Variants in LETM2 observed in about 807,000 individuals in gnomAD.
LETM2 encodes the protein leucine zipper and EF-hand containing transmembrane protein 2.
A neutral mutation model predicts 59.6 loss-of-function variants in LETM2; 58 were observed. The ratio of observed to expected loss-of-function variants is 0.97; its 90% confidence interval spans 0.79 to 1.21. LETM2 has a LOEUF of 1.21. Among genes scored for constraint, LETM2 ranks in the 50% most tolerant of loss-of-function variants. LETM2 has a pLI of 0.00. For missense variants in LETM2, 572 were observed against 575.7 expected, an observed-to-expected ratio of 0.99 and a Z score of 0.07; for synonymous variants, 199 against 214.1, an observed-to-expected ratio of 0.93 and a Z score of 0.62.
At chr8:38,385,184 C>T (rs1236810896), upstream of LETM2, among the ~76,000 whole-genome samples, 1 of 152,190 alleles carries the variant, frequency 6.6e-6, no homozygotes, top group East Asian at 1.9e-4. Context: ...GCCTATTTAA[C>T]AGTGGATCTA....
intron 9 of LETM2, 65 bp downstream of exon 9, chr8:38,407,103 C>T (rs573462567): frequency 1.8e-5 from 18 of 979,924 alleles, no homozygotes; most frequent in Non-Finnish European, 2.8e-5. Flanking sequence ...GGGTCATTTT[C>T]TCCTGTTTTA....
chr8:38,389,858 A>G (rs1455322303), intron 2 of LETM2, among the ~76,000 whole-genome samples: 1 of 151,652 alleles, frequency 6.6e-6, no homozygotes, highest in Non-Finnish European at 1.5e-5. Flanking sequence ...AATTAGCTGG[A>G]CGTGGTGGCA....
At chr8:38,404,234 T>G (rs536479987) in intron 7 of LETM2, 159 bp from the exon 8 acceptor site, 1 of 593,812 alleles carries the variant, frequency 1.7e-6, no homozygotes, top group South Asian at 2.0e-5. Context: ...AAGCCAGGGC[T>G]GGGCTCTTGT....
rs772863192 is a variant in LETM2, at chr8:38,408,242, C to A, written c.1444C>A (p.Gln482Lys). 1.2e-6 allele frequency: 2 copies of A among 1,613,128 alleles called. No individual in the cohort carries two copies. The highest frequency in any genetic ancestry group is 1.7e-6 in the Non-Finnish European group (2 of 1,179,652). ...TLQAKSQMTA[Q>K]NSKASSKGA ...CCAGGCCAAATCACAAATGACGGCCCAGAACAGCAAGGCTAGTTCAAAAGG... is the reference window on the plus strand; with the variant it reads ...CCAGGCCAAATCACAAATGACGGCCAAGAACAGCAAGGCTAGTTCAAAAGG... Residue 482 changes from glutamine (Q) to lysine (K), a missense_variant, in exon 11 of 11, where the codon CAG (glutamine) becomes AAG (lysine). Coordinates refer to ENST00000379957, the MANE Select transcript of LETM2 (RefSeq NM_001286819.2).
rs555718686 is a variant in LETM2, at chr8:38,406,943, C to G, written c.1219-3C>G. The G allele has an allele frequency of 1.3e-6, 2 of 1,596,734 alleles. No homozygotes were observed. Among genetic ancestry groups the G allele is most frequent in the Non-Finnish European group, 1.7e-6 (2 of 1,164,822 alleles). On this transcript the variant is annotated splice_region_variant and splice_polypyrimidine_tract_variant and intron_variant, in intron 8 of 10. Transcript: ENST00000379957. ...ATGATACATAAAATGTTTATCTCCC[C>G]AGGCTCCAAAGACTGATATTCTTGT...
At chr8:38,402,428 C>G in intron 6 of LETM2, 97 bp from the exon 7 acceptor site, 1 of 1,411,690 alleles carries the variant, frequency 7.1e-7, no homozygotes, top group East Asian at 2.3e-5. Context: ...ACAAAGCATC[C>G]AAGCCTCTGA....
intron 2 of LETM2, among the ~76,000 whole-genome samples, chr8:38,389,057 T>C (rs948631020): frequency 1.3e-5 from 2 of 152,108 alleles, no homozygotes; most frequent in Non-Finnish European, 2.9e-5. Flanking sequence ...TGAGCCACTG[T>C]GCCCAGCCAG....
upstream of LETM2, among the ~76,000 whole-genome samples, chr8:38,384,895 G>C (rs1323132550): frequency 6.6e-6 from 1 of 152,182 alleles, no homozygotes; most frequent in Non-Finnish European, 1.5e-5. Context: ...ATGTCTCCCA[G>C]GGAACTGAAA....
intron 4 of LETM2, among the ~76,000 whole-genome samples, chr8:38,396,740 TA>T (rs769813451): frequency 6.6e-6 from 1 of 151,782 alleles, no homozygotes; most frequent in Non-Finnish European, 1.5e-5. Context: ...CCCCTGTCTC[TA>T]AAAAACAAAA....
chr8:38,394,829 G>A (rs1208924779), intron 4 of LETM2, among the ~76,000 whole-genome samples: 5 of 146,708 alleles, frequency 3.4e-5, no homozygotes. Flanking sequence ...CTGGGTGACA[G>A]GGGGAGACCC....
At chr8:38,401,103 C>A (rs76690632) in intron 6 of LETM2, 50 bp downstream of exon 6, 4 of 1,411,444 alleles carry the variant, frequency 2.8e-6, no homozygotes, top group Non-Finnish European at 4.0e-6. Context: ...TTGGGACATA[C>A]CTTAGGGTGC....
chr8:38,394,845 CAAA>C (rs34403974), intron 4 of LETM2, among the ~76,000 whole-genome samples: 34 of 84,492 alleles, frequency 4.0e-4, no homozygotes, highest in African/African-American at 4.9e-4. Context: ...GACCCTGTCT[CAAA>C]AAAAAAAAAA....
intron 6 of LETM2, 50 bp from the exon 7 acceptor site, chr8:38,402,475 C>T (rs369671361): frequency 1.5e-4 from 232 of 1,599,196 alleles, no homozygotes; most frequent in Middle Eastern, 3.3e-4. Context: ...TTAGGGTTTA[C>T]GTAAAATTGG....
At chr8:38,398,088 C>T (rs1812832739) in intron 4 of LETM2, among the ~76,000 whole-genome samples, 1 of 150,262 alleles carries the variant, frequency 6.7e-6, no homozygotes. Flanking sequence ...TACCAAGAGC[C>T]AAGATCATGC....
intron 4 of LETM2, 26 bp from the exon 5 acceptor site, chr8:38,400,246 G>A (rs1003467515): frequency 6.3e-7 from 1 of 1,580,066 alleles, no homozygotes; most frequent in Non-Finnish European, 8.6e-7. Context: ...GAAGGATTGA[G>A]TAACTTTTAT....
At chr8:38,406,224 T>C (rs1251833144) in intron 8 of LETM2, among the ~76,000 whole-genome samples, 3 of 152,244 alleles carry the variant, frequency 2.0e-5, no homozygotes, top group African/African-American at 7.2e-5. Context: ...ACCATTTTAG[T>C]AAATCAGGCA....
At chr8:38,384,523 C>G (rs567610565), upstream of LETM2, among the ~76,000 whole-genome samples, 2 of 152,244 alleles carry the variant, frequency 1.3e-5, no homozygotes, top group Non-Finnish European at 2.9e-5. Flanking sequence ...AGACAGCAAT[C>G]TAACACAATT....
At chr8:38,390,966 C>A (rs909969249) in intron 2 of LETM2, among the ~76,000 whole-genome samples, 1 of 151,900 alleles carries the variant, frequency 6.6e-6, no homozygotes, top group Non-Finnish European at 1.5e-5. Flanking sequence ...CAGGCATGAG[C>A]CAGCGTGCCT....
chr8:38,391,194 A>C (rs886300034), intron 2 of LETM2, among the ~76,000 whole-genome samples: 7 of 143,748 alleles, frequency 4.9e-5, no homozygotes, highest in Non-Finnish European at 1.1e-4. Flanking sequence ...AAAAAAAAAA[A>C]AAAACAAAAA....
Sources: allele counts gnomAD v4.1 joint callset (sites outside exome capture counted in the v4.1 genomes callset), GRCh38; gene constraint gnomAD v4.1.1; transcripts MANE v1.5; gene names NCBI Gene and HGNC (gene_info 2026-07-23, HGNC 2026-07-21).